Variants in C3 observed in about 807,000 individuals in gnomAD.
The protein encoded by C3 is complement C3.
A neutral mutation model predicts 207.9 loss-of-function variants in C3; 97 were observed. The ratio of observed to expected loss-of-function variants is 0.47; its 90% CI spans 0.40 to 0.55. The LOEUF (loss-of-function observed/expected upper bound fraction) is 0.55. Among genes scored for constraint, C3 ranks in the 20% least tolerant of loss-of-function variants. The pLI, the probability that C3 is intolerant of heterozygous loss-of-function variation, is 0.00. For missense variants in C3, 1,684 were observed against 2,171.7 expected (o/e 0.78, Z 4.46); for synonymous variants, 848 against 857.6 (o/e 0.99, Z 0.20).
chr19:6,704,716 A>G (rs959970024), intron 17 of C3, among the ~76,000 whole-genome samples: 9 of 151,988 alleles, frequency 5.9e-5, no homozygotes, highest in African/African-American at 2.2e-4. Context: ...CCAAGATTGC[A>G]CCACTGTACT....
rs1555686021 is a variant in C3 at position 6,705,341 on chromosome 19, T to TCTC, written c.2245+1734_2245+1735insGAG. 1.3e-3 allele frequency among the ~76,000 whole-genome samples: 166 copies of TCTC among 128,942 alleles called. 1 individual carries two copies. Among genetic ancestry groups the TCTC allele is most frequent in the Middle Eastern group, 7.6e-3 (2 of 262 alleles). 84.6% of individuals were successfully genotyped at this position (128,942 alleles called of 152,430 possible). Reference sequence around the variant, plus strand: ...TTCATTTTCTTTTCTTTTCTCTCTCTTTTTTTTTTTTTCTTTTTTGAGACA... The same window carrying TCTC: ...TTCATTTTCTTTTCTTTTCTCTCTCTCTCTTTTTTTTTTTTCTTTTTTGAGACA... On this transcript the variant is annotated intron_variant, in intron 17 of 40. Coordinates refer to ENST00000245907, the MANE Select transcript of C3 (RefSeq NM_000064.4).
In C3 at chr19:6,686,178, G is replaced by A. The variant is rs773809702; in HGVS notation, c.3756C>T (p.Val1252=). ...ATCTCTGTTCATTGAGCCAACGCAC[G>A]ACGGGAGGCACAAAGTCAAAGTCTT... is the stretch of plus-strand genomic sequence containing the variant. ...QLKDFDFVPP[V]VRWLNEQRYY... is the part of the protein sequence containing the mutation. The change falls in exon 29 of 41, where the codon GTC becomes GTT. Residue 1252 remains valine (V), a synonymous_variant. Coordinates refer to ENST00000245907, the MANE Select transcript of C3 (RefSeq NM_000064.4). The A allele has an allele frequency of 7.4e-6, 12 of 1,614,062 alleles. No individual in the cohort carries two copies. The highest frequency in any genetic ancestry group is 5.5e-5 in the South Asian group (5 of 91,084).
At chr19:6,707,721 G>T in intron 15 of C3, 79 bp downstream of exon 15, 1 of 1,599,056 alleles carries the variant, frequency 6.3e-7, no homozygotes. Context: ...CAGGCCCCCG[G>T]TTTCCAGAGC....
At position 6,687,131 on chromosome 19, in the gene C3, G is replaced by A. The variant is rs344545; in HGVS notation, c.3490-229C>T. ...AAATCCACGTACCCCGTGGTGTGCTGGTAAAAGTTTAACAGCCAGCTCTCC... is the reference window on the plus strand; with the variant it reads ...AAATCCACGTACCCCGTGGTGTGCTAGTAAAAGTTTAACAGCCAGCTCTCC... On this transcript the variant is annotated intron_variant, in intron 27 of 40. Coordinates refer to ENST00000245907, the MANE Select transcript of C3 (RefSeq NM_000064.4). 0.45 allele frequency among the ~76,000 whole-genome samples: 68,676 copies of A among 151,910 alleles called. 16,739 individuals carry two copies. The highest frequency in any genetic ancestry group is 0.91 in the East Asian group (4,705 of 5,162).
In C3 at chr19:6,686,118, A is replaced by C. The variant is rs758230051; in HGVS notation, c.3810+6T>G. The C allele has an allele frequency of 6.2e-7, 1 of 1,613,964 alleles. No individual in the cohort carries two copies. Among genetic ancestry groups the C allele is most frequent in the South Asian group, 1.1e-5 (1 of 91,066 alleles). On this transcript the variant is annotated splice_donor_region_variant and intron_variant, in intron 29 of 40. Coordinates refer to ENST00000245907, the MANE Select transcript of C3 (RefSeq NM_000064.4). ...GCATGTGCCTAGGGGCTGTGGGCCC[A>C]CTTGCCTGGGTAGAGCCATAGCCAC...
chr19:6,681,793 C>T (rs1297322418), intron 35 of C3, 148 bp downstream of exon 35: 4 of 721,100 alleles, frequency 5.5e-6, no homozygotes, highest in East Asian at 5.0e-5. Flanking sequence ...CAAGCTCCTT[C>T]CCCTACAACT....
intron 19 of C3, among the ~76,000 whole-genome samples, chr19:6,701,867 G>A (rs758611783): frequency 5.3e-5 from 8 of 152,070 alleles, no homozygotes; most frequent in Non-Finnish European, 1.0e-4. Flanking sequence ...TTTTCCAGGG[G>A]GACCAGCCCA....
chr19:6,712,488 C>T lies in C3; in HGVS notation c.1119+20G>A. The T allele has an allele frequency of 6.2e-7, 1 of 1,613,886 alleles. No individual in the cohort carries two copies. The highest frequency in any genetic ancestry group is 8.5e-7 in the Non-Finnish European group (1 of 1,179,772). ...GTCCCCGAAGGGAGGAGTGGGACCC[C>T]TTCCCGCCCCGGGTCTCACCATGAG... On this transcript the variant is annotated intron_variant, in intron 10 of 40. Transcript: ENST00000245907.
chr19:6,679,311 C>T (rs1304395731), intron 37 of C3, 96 bp downstream of exon 37: 5 of 1,442,324 alleles, frequency 3.5e-6, no homozygotes, highest in Non-Finnish European at 4.9e-6. Context: ...TTGGTATCCC[C>T]TGGGTATGGG....
At chr19:6,715,989 A>G (rs1166484518) in intron 4 of C3, among the ~76,000 whole-genome samples, 1 of 152,180 alleles carries the variant, frequency 6.6e-6, no homozygotes, top group Non-Finnish European at 1.5e-5. Context: ...TACTCTGGTT[A>G]GCAGGAGACA....
chr19:6,705,380 T>C (rs955737196), intron 17 of C3, among the ~76,000 whole-genome samples: 3 of 151,536 alleles, frequency 2.0e-5, no homozygotes, highest in African/African-American at 7.3e-5. Flanking sequence ...TCTTGCTCTG[T>C]TGCCCAGGCT....
chr19:6,706,854 CTCCTCCCTCCTCAGACGGAGGTT>C (rs1169684567), intron 17 of C3, among the ~76,000 whole-genome samples, 199 bp downstream of exon 17: 1 of 140,456 alleles, frequency 7.1e-6, no homozygotes, highest in East Asian at 2.0e-4. Context: ...AGACAGGGAC[CTCCTCCCTCCTCAGACGGAGGTT>C]TCCTCCCTCC....
chr19:6,692,168 T>C lies in C3; in HGVS notation c.3390+756A>G, dbSNP rs1051164288. 3.3e-5 allele frequency among the ~76,000 whole-genome samples: 5 copies of C among 152,226 alleles called. 1 individual carries two copies. ...ATCAGCCTGGAGTGCAGTGTCATGA[T>C]CATGGCTCACTGCAGCCTCGACCTC... On this transcript the variant is annotated intron_variant, in intron 26 of 40. Coordinates refer to ENST00000245907, the MANE Select transcript of C3 (RefSeq NM_000064.4).
At position 6,709,861 on chromosome 19, in the gene C3, C is replaced by T. The variant is rs776532543; in HGVS notation, c.1687-19G>A. 29 of 1,611,160 alleles carry T rather than the reference C, an allele frequency of 1.8e-5. No individual in the cohort carries two copies. The highest frequency in any genetic ancestry group is 6.7e-5 in the African/African-American group (5 of 74,586). On this transcript the variant is annotated intron_variant, in intron 13 of 40. Coordinates refer to ENST00000245907, the MANE Select transcript of C3 (RefSeq NM_000064.4). ...CCACCAGCTGTGGGGAGGGTGGAGA[C>T]GCCGAAAGAAGTCAGCCCTGGGAGA...
chr19:6,679,442 T>C lies in C3; in HGVS notation c.4511A>G (p.Lys1504Arg). 1 of 1,614,030 alleles carries C rather than the reference T, an allele frequency of 6.2e-7. No homozygotes were observed. The highest frequency in any genetic ancestry group is 8.5e-7 in the Non-Finnish European group (1 of 1,179,888). ...HPEKEDGKLNKLCRDELCRCA... is the reference protein window; with the variant it reads ...HPEKEDGKLNRLCRDELCRCA... ...GCGGCACAGTTCATCACGGCAGAGCTTGTTCAGCTTTCCATCCTCCTTTTC... is the reference window on the plus strand; with the variant it reads ...GCGGCACAGTTCATCACGGCAGAGCCTGTTCAGCTTTCCATCCTCCTTTTC... The change falls in exon 37 of 41, where the codon AAG becomes AGG. Residue 1504 changes from lysine (K) to arginine (R), a missense_variant. Coordinates refer to ENST00000245907, the MANE Select transcript of C3 (RefSeq NM_000064.4).
Position 6,684,276 on chromosome 19 carries a change from T to C in C3, c.4172+112A>G, listed in dbSNP as rs1917939588. 4.6e-6 allele frequency: 4 copies of C among 873,074 alleles called. No homozygotes were observed. The South Asian group carries it at 5.3e-5, about 12-fold the overall frequency. 54.1% of individuals were successfully genotyped at this position (873,074 alleles called of 1,614,324 possible). On this transcript the variant is annotated intron_variant, in intron 33 of 40. Transcript: ENST00000245907. ...CTCATGGTGGATACTTAGAACAGTA[T>C]CAGATACACAGTGTACTTGGAAAGT...
chr19:6,697,056 A>AAAAAAAAAAAT (rs1568217213), intron 21 of C3, among the ~76,000 whole-genome samples: 1 of 84,480 alleles, frequency 1.2e-5, no homozygotes, highest in South Asian at 4.2e-4. Context: ...AAATAAACAA[A>AAAAAAAAAAAT]CAAATAAATA....
intron 33 of C3, chr19:6,683,273 G>A (rs1917909971): frequency 6.6e-6 from 1 of 151,604 alleles, no homozygotes; most frequent in Admixed American, 6.6e-5. Flanking sequence ...ACAAAGAGAA[G>A]AAGGCAAGCA....
intron 19 of C3, among the ~76,000 whole-genome samples, chr19:6,698,715 C>G (rs1229461402): frequency 1.8e-4 from 27 of 152,044 alleles, no homozygotes; most frequent in Admixed American, 1.8e-3. Flanking sequence ...TCTGTAAAAC[C>G]AAACCCAATG....
Sources: gnomAD v4.1 joint callset for allele counts (sites outside exome capture counted in the v4.1 genomes callset) on GRCh38, gnomAD v4.1.1 for gene constraint, MANE v1.5 for transcripts, NCBI Gene and HGNC (gene_info 2026-07-23, HGNC 2026-07-21) for gene names.